The following MSH3 variants were observed in gnomAD, a reference collection of about 807,000 sequenced individuals.
MSH3 encodes DNA mismatch repair protein Msh3.
In MSH3, 106 loss-of-function variants were observed where a neutral mutation model predicts 123.3. The observed-to-expected ratio is 0.86, with a 90% confidence interval of 0.73 to 1.01. The LOEUF (loss-of-function observed/expected upper bound fraction) is 1.01, where lower values mean the gene tolerates loss of function less well. MSH3 is among the 50% of genes least tolerant of loss of function. The pLI is 0.00. For missense variants in MSH3, 1,459 were observed against 1,347.6 expected, an observed-to-expected ratio of 1.08 and a Z score of -1.29; for synonymous variants, 515 against 481.4, an observed-to-expected ratio of 1.07 and a Z score of -0.91.
At chr5:80,677,361 T>C (rs1749865155) in intron 7 of MSH3, among the ~76,000 whole-genome samples, 1 of 152,182 alleles carries the variant, frequency 6.6e-6, no homozygotes, top group African/African-American at 2.4e-5. Context: ...CACAGGGTGA[T>C]AGATATTGTG....
chr5:80,843,099 A>C (rs1233135817), intron 20 of MSH3, among the ~76,000 whole-genome samples: 1 of 152,026 alleles, frequency 6.6e-6, no homozygotes, highest in Non-Finnish European at 1.5e-5. Context: ...GTTTATTGAG[A>C]GTTTTTAGCT....
At chr5:80,664,885 A>G (rs1212063638) in intron 2 of MSH3, among the ~76,000 whole-genome samples, 2 of 152,094 alleles carry the variant, frequency 1.3e-5, no homozygotes, top group Admixed American at 6.5e-5. Context: ...GTCTTCAAAA[A>G]AAAACAAAAA....
intron 20 of MSH3, among the ~76,000 whole-genome samples, chr5:80,835,368 C>CA (rs1334869161): frequency 1.3e-5 from 2 of 152,082 alleles, no homozygotes; most frequent in African/African-American, 2.4e-5. Context: ...TCACCAGTGA[C>CA]AAAATCTCAA....
chr5:80,800,106 A>G (rs932535227), intron 19 of MSH3, among the ~76,000 whole-genome samples: 2 of 152,254 alleles, frequency 1.3e-5, no homozygotes, highest in East Asian at 3.8e-4. Context: ...TGCTATTCAG[A>G]CAGATATTGC....
chr5:80,654,682 C>T lies in MSH3; in HGVS notation c.-46C>T, dbSNP rs1258511129. On this transcript the variant is annotated 5_prime_UTR_variant, in exon 1 of 24. Transcript: ENST00000265081. ...CCTGGGAACTGCGGCCGCGGGCTCG[C>T]GCTCCTCGCCAGGCCCTGCCGCCGG... The T allele has an allele frequency of 2.5e-5, 38 of 1,543,686 alleles. 1 individual carries two copies. The highest frequency in any genetic ancestry group is 3.1e-5 in the Non-Finnish European group (35 of 1,141,890).
chr5:80,736,197 A>T (rs245010), intron 10 of MSH3, among the ~76,000 whole-genome samples: 2 of 151,588 alleles, frequency 1.3e-5, no homozygotes, highest in Non-Finnish European at 2.9e-5. Flanking sequence ...TTGCACTCCA[A>T]CCTGGGTGAC....
At chr5:80,667,460 G>A (rs1242915926) in intron 3 of MSH3, among the ~76,000 whole-genome samples, 1 of 152,332 alleles carries the variant, frequency 6.6e-6, no homozygotes, top group South Asian at 2.1e-4. Flanking sequence ...GCCTTTGCCC[G>A]AGTTTTTACT....
rs746348952 is a variant in MSH3 at position 80,799,500 on chromosome 5, C to CTTTTTTTT, written c.2655+6681_2655+6688dup. Among the ~76,000 whole-genome samples the CTTTTTTTT allele has an allele frequency of 7.7e-4, 25 of 32,324 alleles. 2 individuals are homozygous for CTTTTTTTT. Among genetic ancestry groups the CTTTTTTTT allele is most frequent in the African/African-American group, 2.3e-3 (18 of 7,824 alleles). 21.2% of individuals were successfully genotyped at this position (32,324 alleles called of 152,430 possible). On this transcript the variant is annotated intron_variant, in intron 19 of 23. Coordinates refer to ENST00000265081, the MANE Select transcript of MSH3 (RefSeq NM_002439.5). ...TTTATACCTGTCAAGGAAGATAGCA[C>CTTTTTTTT]TTTTTTTTTTTTTTTTTTTTTTTTT...
chr5:80,824,368 GC>G (rs1745255113), intron 20 of MSH3, among the ~76,000 whole-genome samples: 1 of 149,316 alleles, frequency 6.7e-6, no homozygotes, highest in Non-Finnish European at 1.5e-5. Context: ...GGTGGGGGCT[GC>G]CCCCCACCTC....
chr5:80,863,424 A>G (rs1162066648), intron 21 of MSH3, among the ~76,000 whole-genome samples: 2 of 152,092 alleles, frequency 1.3e-5, no homozygotes, highest in Non-Finnish European at 2.9e-5. Context: ...TAATCCCAGC[A>G]CTCTGGGAGG....
chr5:80,815,769 A>G (rs929953575), intron 20 of MSH3, among the ~76,000 whole-genome samples: 3 of 152,226 alleles, frequency 2.0e-5, no homozygotes, highest in Non-Finnish European at 4.4e-5. Context: ...TCTCATGGCC[A>G]TAGTTGCAAG....
At chr5:80,771,988 GTGTA>G (rs1297635621) in intron 15 of MSH3, among the ~76,000 whole-genome samples, 1 of 152,092 alleles carries the variant, frequency 6.6e-6, no homozygotes, top group African/African-American at 2.4e-5. Context: ...GAATGTTTGT[GTGTA>G]TGTATGAAAG....
chr5:80,803,011 T>C (rs1388958585), intron 19 of MSH3, among the ~76,000 whole-genome samples: 3 of 152,208 alleles, frequency 2.0e-5, no homozygotes, highest in Non-Finnish European at 4.4e-5. Context: ...TCTTGGCTAT[T>C]GTGAATAGTG....
chr5:80,698,857 A>G (rs943417235), intron 8 of MSH3, among the ~76,000 whole-genome samples: 20 of 152,108 alleles, frequency 1.3e-4, no homozygotes, highest in Non-Finnish European at 2.5e-4. Flanking sequence ...TGTAAATGAC[A>G]AGTTAATGGG....
At chr5:80,798,128 T>G (rs1744730221) in intron 19 of MSH3, among the ~76,000 whole-genome samples, 1 of 152,090 alleles carries the variant, frequency 6.6e-6, no homozygotes, top group Admixed American at 6.5e-5. Flanking sequence ...GAGTCAAACG[T>G]GCACAACAGG....
At chr5:80,761,718 T>C in intron 13 of MSH3, 40 bp downstream of exon 13, 1 of 1,611,572 alleles carries the variant, frequency 6.2e-7, no homozygotes, top group Non-Finnish European at 8.5e-7. Flanking sequence ...ACAGTGTTCT[T>C]CAGCTTGAGG....
chr5:80,746,633 G>T, intron 12 of MSH3: 1 of 340,832 alleles, frequency 2.9e-6, no homozygotes, highest in Non-Finnish European at 5.8e-6. Context: ...GGCCATTTTT[G>T]TGGTGGGTAC....
chr5:80,757,295 C>T (rs558661891), intron 12 of MSH3, among the ~76,000 whole-genome samples: 1 of 152,234 alleles, frequency 6.6e-6, no homozygotes, highest in South Asian at 2.1e-4. Context: ...TGTAGTCACC[C>T]TGTTGCACTC....
intron 21 of MSH3, among the ~76,000 whole-genome samples, chr5:80,857,766 G>A (rs1745943987): frequency 6.6e-6 from 1 of 152,106 alleles, no homozygotes; most frequent in African/African-American, 2.4e-5. Flanking sequence ...TTAGCCATTT[G>A]TGTCTTTTCT....
Sources: gnomAD v4.1 joint callset for allele counts (sites outside exome capture counted in the v4.1 genomes callset) on GRCh38, gnomAD v4.1.1 for gene constraint, MANE v1.5 for transcripts, NCBI Gene and HGNC (gene_info 2026-07-23, HGNC 2026-07-21) for gene names.